SS18: variants seen among roughly 807,000 people sequenced by gnomAD.
SS18 encodes protein SSXT.
SS18 carries 28 observed loss-of-function variants against 72.5 expected under a neutral mutation model. That is an observed-to-expected ratio of 0.39 (90% CI 0.29 to 0.53). The LOEUF is 0.53. Among genes scored for constraint, SS18 ranks in the 20% least tolerant of loss-of-function variants. SS18 has a pLI of 0.76. For missense variants in SS18, 518 were observed against 535.3 expected (o/e 0.97, Z 0.32); for synonymous variants, 172 against 164.2 (o/e 1.05, Z -0.37).
chr18:26,025,588 A>G (rs976809439), intron 10 of SS18, among the ~76,000 whole-genome samples: 12 of 152,086 alleles, frequency 7.9e-5, no homozygotes, highest in African/African-American at 2.9e-4. Context: ...ATTCAACAAC[A>G]CAGATAAAAT....
At chr18:26,082,785 G>T (rs548172149) in intron 2 of SS18, among the ~76,000 whole-genome samples, 1 of 152,194 alleles carries the variant, frequency 6.6e-6, no homozygotes, top group Non-Finnish European at 1.5e-5. Flanking sequence ...AAGTCTTTGG[G>T]TAGTAAGAAT....
chr18:26,020,648 G>A (rs2053333302), intron 10 of SS18, among the ~76,000 whole-genome samples: 1 of 152,128 alleles, frequency 6.6e-6, no homozygotes, highest in Non-Finnish European at 1.5e-5. Context: ...AAACAGAGAA[G>A]ACTCAGAAAT....
intron 7 of SS18, among the ~76,000 whole-genome samples, chr18:26,037,098 C>T (rs917405522): frequency 1.3e-5 from 2 of 151,800 alleles, no homozygotes; most frequent in African/African-American, 2.4e-5. Flanking sequence ...TATTAATTGT[C>T]GACATAAATA....
chr18:26,067,415 T>G (rs2054238669), intron 3 of SS18, among the ~76,000 whole-genome samples: 1 of 152,198 alleles, frequency 6.6e-6, no homozygotes, highest in Non-Finnish European at 1.5e-5. Flanking sequence ...TTTTCCCCCT[T>G]TTTACAGCAG....
intron 3 of SS18, among the ~76,000 whole-genome samples, chr18:26,070,389 GTATATATGTCTGCT>G (rs1473312487): frequency 6.6e-6 from 1 of 152,140 alleles, no homozygotes; most frequent in Non-Finnish European, 1.5e-5. Context: ...AACACTGCAT[GTATATATGTCTGCT>G]TATAGAACAA....
At chr18:26,033,708 A>G (rs2053582211) in intron 9 of SS18, among the ~76,000 whole-genome samples, 1 of 152,114 alleles carries the variant, frequency 6.6e-6, no homozygotes. Context: ...TAGTGGAAAT[A>G]AAGTTTTTTT....
chr18:26,069,523 A>C (rs189676429), intron 3 of SS18, among the ~76,000 whole-genome samples: 1 of 150,444 alleles, frequency 6.6e-6, no homozygotes, highest in East Asian at 1.9e-4. Context: ...AAAAAAAAAA[A>C]AAAGAAAAAG....
rs60999827 is a variant in SS18 at position 26,060,771 on chromosome 18, C to CAAAAAAAAAAA, written c.232-3040_232-3030dup. Among the ~76,000 whole-genome samples, 81 of 39,602 alleles carry CAAAAAAAAAAA rather than the reference C, an allele frequency of 2.0e-3. 20 individuals are homozygous for CAAAAAAAAAAA. Among genetic ancestry groups the CAAAAAAAAAAA allele is most frequent in the East Asian group, 3.5e-3 (6 of 1,732 alleles). 26.0% of individuals were successfully genotyped at this position (39,602 alleles called of 152,430 possible). Reference sequence around the variant, plus strand: ...GAAACTCTGTCTCTACTAAAAATACCAAAAAAAAAAAAAAAAAAAAAAAAA... The same window carrying CAAAAAAAAAAA: ...GAAACTCTGTCTCTACTAAAAATACCAAAAAAAAAAAAAAAAAAAAAAAAAAAAAAAAAAAA... On this transcript the variant is annotated intron_variant, in intron 3 of 10. Transcript: ENST00000415083.
chr18:26,087,155 T>C (rs1336826853), intron 2 of SS18, among the ~76,000 whole-genome samples: 2 of 152,010 alleles, frequency 1.3e-5, no homozygotes. Flanking sequence ...AAGTGAAAAA[T>C]GTGAGTCAAA....
At chr18:26,042,636 CAAAA>C (rs34743017) in intron 5 of SS18, among the ~76,000 whole-genome samples, 15 of 93,678 alleles carry the variant, frequency 1.6e-4, no homozygotes, top group East Asian at 9.4e-4. Context: ...AGTCAGTGGT[CAAAA>C]AAAAAAAAAA....
chr18:26,044,909 CCT>C (rs1483633723), intron 5 of SS18, among the ~76,000 whole-genome samples: 2 of 152,096 alleles, frequency 1.3e-5, no homozygotes, highest in African/African-American at 2.4e-5. Flanking sequence ...AGCAATATAC[CCT>C]GTGTGTATTA....
At chr18:26,021,189 C>G (rs9962034) in intron 10 of SS18, among the ~76,000 whole-genome samples, 36,242 of 152,058 alleles carry the variant, frequency 0.24, 7,269 homozygotes, top group African/African-American at 0.54. Context: ...AAAAGTACGG[C>G]TTTTGGAGCC....
intron 3 of SS18, among the ~76,000 whole-genome samples, chr18:26,075,345 A>G (rs992035838): frequency 2.0e-5 from 3 of 152,080 alleles, no homozygotes; most frequent in African/African-American, 7.2e-5. Context: ...CAAACTGAAT[A>G]TCGCAATTTC....
intron 7 of SS18, among the ~76,000 whole-genome samples, chr18:26,036,875 G>T (rs944814083): frequency 2.0e-5 from 3 of 151,958 alleles, no homozygotes; most frequent in Non-Finnish European, 4.4e-5. Context: ...AATTTTATTG[G>T]AATACAGTCA....
chr18:26,037,214 T>A (rs573336733), intron 7 of SS18, among the ~76,000 whole-genome samples: 1 of 152,238 alleles, frequency 6.6e-6, no homozygotes, highest in South Asian at 2.1e-4. Context: ...AACCTTAATG[T>A]TTTGATATTT....
chr18:26,052,716 C>A lies in SS18; in HGVS notation c.515G>T (p.Ser172Ile). ...GYNHSVPSSQ[S>I]MPVQNQMTMS... The stretch of plus-strand genomic sequence containing the variant: ...TGTCATCTGATTCTGTACTGGCATG[C>A]TCTGTGATGATGGCACAGAATGGTT... Residue 172 changes from serine to isoleucine, a missense_variant, in exon 5 of 11, where the codon AGC (serine) becomes ATC (isoleucine). By Grantham distance (142) the Ser-to-Ile change is moderately radical. Transcript: ENST00000415083. 1.2e-6 allele frequency: 2 copies of A among 1,614,116 alleles called. No homozygotes were observed. Among genetic ancestry groups the A allele is most frequent in the Non-Finnish European group, 1.7e-6 (2 of 1,179,948 alleles).
intron 10 of SS18, among the ~76,000 whole-genome samples, chr18:26,025,834 G>A (rs1598526477): frequency 6.6e-6 from 1 of 151,090 alleles, no homozygotes; most frequent in African/African-American, 2.4e-5. Context: ...TGCTACCTCA[G>A]TAACAAAACC....
intron 5 of SS18, among the ~76,000 whole-genome samples, chr18:26,049,015 T>G (rs1368150022): frequency 1.3e-5 from 2 of 152,172 alleles, no homozygotes; most frequent in Non-Finnish European, 2.9e-5. Context: ...AGGTCCCACA[T>G]ACAGTAAGCT....
chr18:26,032,865 C>A (rs1294794545), intron 9 of SS18, among the ~76,000 whole-genome samples: 1 of 152,030 alleles, frequency 6.6e-6, no homozygotes, highest in African/African-American at 2.4e-5. Flanking sequence ...ATAGCGTTAA[C>A]CAGCACAAGC....
Sources: gnomAD v4.1 joint callset for allele counts (sites outside exome capture counted in the v4.1 genomes callset) on GRCh38, gnomAD v4.1.1 for gene constraint, MANE v1.5 for transcripts, NCBI Gene and HGNC (gene_info 2026-07-23, HGNC 2026-07-21) for gene names.